PCDH7: variants seen among roughly 807,000 people sequenced by gnomAD.
PCDH7 encodes the protein protocadherin 7, also known as protocadherin-7.
In PCDH7, 17 loss-of-function variants were observed where a neutral mutation model predicts 58.9. The ratio of observed to expected loss-of-function variants is 0.29; its 90% CI spans 0.20 to 0.43. PCDH7 has a LOEUF of 0.43. Ranked by LOEUF, PCDH7 falls within the 20% of genes least tolerant of loss-of-function variation. The pLI, the probability that PCDH7 is intolerant of heterozygous loss-of-function variation, is 1.00. For missense variants in PCDH7, 1,274 were observed against 1,441.0 expected, an observed-to-expected ratio of 0.88 and a Z score of 1.88; for synonymous variants, 664 against 616.4, an observed-to-expected ratio of 1.08 and a Z score of -1.14.
chr4:31,098,107 A>G (rs1488730038), intron 3 of PCDH7, among the ~76,000 whole-genome samples: 2 of 152,192 alleles, frequency 1.3e-5, no homozygotes, highest in African/African-American at 4.8e-5. Context: ...CTCAGAGAAA[A>G]GACAAATTGA....
intron 3 of PCDH7, among the ~76,000 whole-genome samples, chr4:31,010,184 A>G (rs1255055368): frequency 6.6e-6 from 1 of 151,994 alleles, no homozygotes. Flanking sequence ...TTTGCAATTC[A>G]TGTCTGGATG....
At chr4:30,962,776 TAAAAAAAAAAAA>T (rs57257786) in intron 3 of PCDH7, among the ~76,000 whole-genome samples, 14 of 70,630 alleles carry the variant, frequency 2.0e-4, no homozygotes, top group East Asian at 1.3e-3. Context: ...GACCCAGTCT[TAAAAAAAAAAAA>T]AAAAAAAAAA....
chr4:31,072,279 A>T (rs1278732123), intron 3 of PCDH7, among the ~76,000 whole-genome samples: 2 of 152,162 alleles, frequency 1.3e-5, no homozygotes. Context: ...TGAGCACTGC[A>T]GTTGCATCAC....
intron 1 of PCDH7, among the ~76,000 whole-genome samples, chr4:30,870,145 T>C (rs755087525): frequency 6.6e-6 from 1 of 152,174 alleles, no homozygotes; most frequent in Non-Finnish European, 1.5e-5. Context: ...GTTTTTTTCT[T>C]GTAACTTTGT....
intron 1 of PCDH7, among the ~76,000 whole-genome samples, chr4:30,768,077 A>G (rs1463463744): frequency 6.6e-6 from 1 of 152,226 alleles, no homozygotes; most frequent in Non-Finnish European, 1.5e-5. Context: ...AGAAAAATTC[A>G]ACAGATTAAT....
intron 1 of PCDH7, among the ~76,000 whole-genome samples, chr4:30,753,387 C>G (rs1482477492): frequency 6.6e-6 from 1 of 152,174 alleles, no homozygotes; most frequent in Admixed American, 6.5e-5. Context: ...TCTTGAGTGA[C>G]AATATGGTTA....
intron 3 of PCDH7, among the ~76,000 whole-genome samples, chr4:31,040,958 T>C (rs1755813521): frequency 6.6e-6 from 1 of 151,734 alleles, no homozygotes; most frequent in Admixed American, 6.6e-5. Context: ...GGTTACAGAG[T>C]TGTGGAAAAA....
chr4:30,769,888 C>T (rs1721187614), intron 1 of PCDH7, among the ~76,000 whole-genome samples: 1 of 152,164 alleles, frequency 6.6e-6, no homozygotes, highest in African/African-American at 2.4e-5. Flanking sequence ...AGGTGTGATA[C>T]TTTTAGTCCA....
intron 3 of PCDH7, among the ~76,000 whole-genome samples, chr4:31,067,885 C>G (rs1003088134): frequency 2.0e-5 from 3 of 151,870 alleles, no homozygotes; most frequent in African/African-American, 7.3e-5. Flanking sequence ...ATGAGAGCGG[C>G]GCAATACCTT....
chr4:30,943,797 T>C (rs1458920660), intron 2 of PCDH7, among the ~76,000 whole-genome samples: 1 of 151,990 alleles, frequency 6.6e-6, no homozygotes, highest in Non-Finnish European at 1.5e-5. Flanking sequence ...CAATTTTTTT[T>C]CCAGTGTGGC....
chr4:30,988,819 C>CT (rs891157725), intron 3 of PCDH7, among the ~76,000 whole-genome samples: 2 of 152,148 alleles, frequency 1.3e-5, no homozygotes, highest in Admixed American at 6.6e-5. Context: ...TGGAAGAACT[C>CT]TTTCTTTGCA....
intron 3 of PCDH7, among the ~76,000 whole-genome samples, chr4:31,078,490 T>C (rs1403400431): frequency 6.6e-6 from 1 of 151,026 alleles, no homozygotes; most frequent in Non-Finnish European, 1.5e-5. Context: ...TTTTCTTTTT[T>C]TTTTTTTTGG....
intron 1 of PCDH7, among the ~76,000 whole-genome samples, chr4:30,786,383 A>G (rs1037678314): frequency 5.9e-5 from 9 of 152,036 alleles, no homozygotes; most frequent in African/African-American, 1.9e-4. Context: ...AAGAAAGCAA[A>G]CAACACTCCC....
intron 3 of PCDH7, among the ~76,000 whole-genome samples, chr4:31,121,640 T>G (rs1055596557): frequency 6.6e-6 from 1 of 152,168 alleles, no homozygotes; most frequent in African/African-American, 2.4e-5. Flanking sequence ...TCTGTATGTA[T>G]AGATAAGCAC....
At chr4:30,772,321 G>T (rs935383860) in intron 1 of PCDH7, among the ~76,000 whole-genome samples, 3 of 152,238 alleles carry the variant, frequency 2.0e-5, no homozygotes, top group Non-Finnish European at 4.4e-5. Context: ...TTATGCTAAA[G>T]TTGGGAATAC....
At chr4:30,952,330 G>T (rs1026125962) in intron 3 of PCDH7, among the ~76,000 whole-genome samples, 7 of 151,816 alleles carry the variant, frequency 4.6e-5, no homozygotes, top group African/African-American at 1.7e-4. Flanking sequence ...TTTGAGGAAA[G>T]GAAATTATGA....
At position 31,063,448 on chromosome 4, in the gene PCDH7, T is replaced by A. The variant is rs559493186; in HGVS notation, c.*8-79025T>A. On this transcript the variant is annotated intron_variant, in intron 3 of 3. Transcript: ENST00000509759. ...GAGCATGCTATCATACATGCTTTTT[T>A]AATCTGGGGCCTGACAGATTGTTAG... is the stretch of plus-strand genomic sequence containing the variant. 4.6e-5 allele frequency among the ~76,000 whole-genome samples: 7 copies of A among 151,890 alleles called. No individual in the cohort carries two copies. In the South Asian group the frequency reaches 8.3e-4, roughly 18 times the overall value.
chr4:31,084,728 G>GGGGAGGGGAGGGGATGA (rs1712125956), intron 3 of PCDH7, among the ~76,000 whole-genome samples: 2 of 104,860 alleles, frequency 1.9e-5, no homozygotes, highest in Non-Finnish European at 4.0e-5. Flanking sequence ...GGGGAGAAGA[G>GGGGAGGGGAGGGGATGA]GGGAGGGGAG....
intron 1 of PCDH7, among the ~76,000 whole-genome samples, chr4:30,781,206 C>G (rs1345504578): frequency 2.6e-5 from 4 of 151,644 alleles, no homozygotes; most frequent in African/African-American, 7.3e-5. Flanking sequence ...CTATCCAACC[C>G]AAGGCGTTCT....
Sources: gnomAD v4.1 joint callset for allele counts (sites outside exome capture counted in the v4.1 genomes callset) on GRCh38, gnomAD v4.1.1 for gene constraint, MANE v1.5 for transcripts, NCBI Gene and HGNC (gene_info 2026-07-23, HGNC 2026-07-21) for gene names.